Variants in KAT2B observed in about 807,000 individuals in gnomAD.
KAT2B encodes the protein histone acetyltransferase KAT2B.
KAT2B carries 36 observed loss-of-function variants against 105.9 expected under a neutral mutation model. That is an observed-to-expected ratio of 0.34 (90% CI 0.26 to 0.45). The LOEUF (loss-of-function observed/expected upper bound fraction) is 0.45, where lower values mean the gene tolerates loss of function less well. KAT2B is among the 20% of genes least tolerant of loss of function. KAT2B has a pLI of 1.00. For missense variants in KAT2B, 820 were observed against 1,021.6 expected, an observed-to-expected ratio of 0.80 and a Z score of 2.69; for synonymous variants, 397 against 377.9, an observed-to-expected ratio of 1.05 and a Z score of -0.59.
intron 1 of KAT2B, among the ~76,000 whole-genome samples, chr3:20,071,665 T>C (rs1698325506): frequency 1.3e-5 from 2 of 152,204 alleles, no homozygotes; most frequent in Non-Finnish European, 2.9e-5. Flanking sequence ...TGGACAAAGT[T>C]AAGGAAGCTT....
chr3:20,113,387 T>G (rs1436373622), intron 6 of KAT2B, among the ~76,000 whole-genome samples: 1 of 152,222 alleles, frequency 6.6e-6, no homozygotes, highest in Non-Finnish European at 1.5e-5. Flanking sequence ...AGAGAAATTT[T>G]AGTTACTTTG....
Position 20,040,468 on chromosome 3 carries a change from C to A in KAT2B, c.-10C>A, listed in dbSNP as rs1480430524. On this transcript the variant is annotated 5_prime_UTR_variant, in exon 1 of 18. Transcript: ENST00000263754. ...GACACTCGGCGCCTCCTGCCGTGCTCCGGGGCGGCATGTCCGAGGCTGGCG... is the reference window on the plus strand; with the variant it reads ...GACACTCGGCGCCTCCTGCCGTGCTACGGGGCGGCATGTCCGAGGCTGGCG... The A allele has an allele frequency of 1.7e-4, 184 of 1,071,010 alleles. No homozygotes were observed. The East Asian group carries it at 6.2e-3, about 36-fold the overall frequency. 66.3% of individuals were successfully genotyped at this position (1,071,010 alleles called of 1,614,324 possible).
chr3:20,124,843 G>A (rs926988225), intron 9 of KAT2B, among the ~76,000 whole-genome samples: 1 of 151,926 alleles, frequency 6.6e-6, no homozygotes, highest in African/African-American at 2.4e-5. Context: ...GAGATGAAGT[G>A]TCACCAGTTA....
At chr3:20,059,876 C>T (rs897111758) in intron 1 of KAT2B, among the ~76,000 whole-genome samples, 1 of 152,166 alleles carries the variant, frequency 6.6e-6, no homozygotes, top group South Asian at 2.1e-4. Flanking sequence ...ATCCTTGGGT[C>T]CATTTACAGT....
chr3:20,120,165 T>A (rs1406179145), intron 8 of KAT2B, among the ~76,000 whole-genome samples: 2 of 152,016 alleles, frequency 1.3e-5, no homozygotes, highest in Non-Finnish European at 2.9e-5. Flanking sequence ...ATACACAGTC[T>A]CTTGAAGCCT....
intron 13 of KAT2B, among the ~76,000 whole-genome samples, chr3:20,144,813 T>A (rs998654697): frequency 5.9e-5 from 9 of 151,526 alleles, no homozygotes; most frequent in African/African-American, 1.5e-4. Context: ...TTTTTTTTTT[T>A]AAGAGGAAGT....
chr3:20,143,460 G>C (rs1408496978), intron 13 of KAT2B, among the ~76,000 whole-genome samples: 1 of 152,012 alleles, frequency 6.6e-6, no homozygotes, highest in Non-Finnish European at 1.5e-5. Flanking sequence ...CAGCCCCTGT[G>C]GAAAGCCGTT....
intron 1 of KAT2B, among the ~76,000 whole-genome samples, chr3:20,062,282 A>AATATATATATAAT (rs1698144240): frequency 3.9e-5 from 2 of 50,808 alleles, no homozygotes; most frequent in African/African-American, 6.7e-5. Flanking sequence ...TAATATATAA[A>AATATATATATAAT]ATATAATATA....
At chr3:20,133,647 T>C (rs1421350030) in intron 11 of KAT2B, among the ~76,000 whole-genome samples, 3 of 152,232 alleles carry the variant, frequency 2.0e-5, no homozygotes, top group African/African-American at 7.2e-5. Flanking sequence ...CCTTAGACAC[T>C]GAGAAGCAGA....
chr3:20,055,236 C>G (rs993153823), intron 1 of KAT2B, among the ~76,000 whole-genome samples: 6 of 152,142 alleles, frequency 3.9e-5, no homozygotes, highest in African/African-American at 1.4e-4. Context: ...GATTTCGCAG[C>G]TGTAATGTGG....
At chr3:20,135,949 A>G (rs1488632794) in intron 11 of KAT2B, among the ~76,000 whole-genome samples, 5 of 152,228 alleles carry the variant, frequency 3.3e-5, no homozygotes, top group Non-Finnish European at 7.3e-5. Flanking sequence ...GAATTGGTCT[A>G]TCTCACCACC....
intron 1 of KAT2B, among the ~76,000 whole-genome samples, chr3:20,064,496 G>A (rs1453884647): frequency 1.3e-5 from 2 of 152,094 alleles, no homozygotes; most frequent in Non-Finnish European, 2.9e-5. Flanking sequence ...GAGAAGTTAC[G>A]GTTTTGATCC....
chr3:20,139,738 A>AT (rs1048097075), intron 12 of KAT2B, among the ~76,000 whole-genome samples: 1 of 152,008 alleles, frequency 6.6e-6, no homozygotes, highest in African/African-American at 2.4e-5. Context: ...ACTGTCTGGA[A>AT]TTTTTTTGCC....
At chr3:20,122,078 C>A (rs1230786317) in intron 8 of KAT2B, among the ~76,000 whole-genome samples, 5 of 152,052 alleles carry the variant, frequency 3.3e-5, no homozygotes, top group Non-Finnish European at 7.3e-5. Flanking sequence ...TCAAATCAAC[C>A]AACGGTTGAG....
intron 5 of KAT2B, among the ~76,000 whole-genome samples, chr3:20,105,035 G>A (rs760683584): frequency 6.6e-6 from 1 of 151,932 alleles, no homozygotes; most frequent in Non-Finnish European, 1.5e-5. Context: ...ACAAGTGCGT[G>A]CCACCATGCC....
At chr3:20,126,606 T>C (rs970552417) in intron 10 of KAT2B, among the ~76,000 whole-genome samples, 1 of 151,478 alleles carries the variant, frequency 6.6e-6, no homozygotes, top group Non-Finnish European at 1.5e-5. Context: ...GAGGATCACC[T>C]GAGGTTGAGA....
At chr3:20,149,507 A>G (rs1165672708) in intron 17 of KAT2B, among the ~76,000 whole-genome samples, 3 of 149,050 alleles carry the variant, frequency 2.0e-5, no homozygotes, top group African/African-American at 7.5e-5. Flanking sequence ...AAAAAAAAAA[A>G]AAAAAAAAAA....
intron 2 of KAT2B, among the ~76,000 whole-genome samples, chr3:20,075,406 G>C (rs1359549843): frequency 2.0e-5 from 3 of 151,602 alleles, no homozygotes; most frequent in Non-Finnish European, 4.4e-5. Flanking sequence ...ACTAGCTGGA[G>C]GTCCCATAAT....
intron 1 of KAT2B, among the ~76,000 whole-genome samples, chr3:20,042,695 T>C (rs1190567061): frequency 2.0e-5 from 3 of 152,232 alleles, no homozygotes; most frequent in Admixed American, 6.5e-5. Flanking sequence ...TCTTAAAGAC[T>C]TCCTGCTGCC....
Sources: allele counts gnomAD v4.1 joint callset (sites outside exome capture counted in the v4.1 genomes callset), GRCh38; gene constraint gnomAD v4.1.1; transcripts MANE v1.5; gene names NCBI Gene and HGNC (gene_info 2026-07-23, HGNC 2026-07-21).